Variants in COL4A4 observed in about 807,000 individuals in gnomAD.
The protein encoded by COL4A4 is collagen alpha-4(IV) chain.
In COL4A4, 105 loss-of-function variants were observed where a neutral mutation model predicts 192.9. That is an observed-to-expected ratio of 0.54 (90% CI 0.46 to 0.64). COL4A4 has a LOEUF of 0.64. Ranked by LOEUF, COL4A4 falls within the 30% of genes least tolerant of loss-of-function variation. COL4A4 has a pLI of 0.00. For missense variants in COL4A4, 1,967 were observed against 2,169.3 expected, an observed-to-expected ratio of 0.91 and a Z score of 1.85; for synonymous variants, 762 against 769.9, an observed-to-expected ratio of 0.99 and a Z score of 0.17.
At chr2:226,983,831 C>T in the COL4A4 span, among the ~76,000 whole-genome samples, 1 of 152,172 alleles carries the variant, frequency 6.6e-6, no homozygotes. Context: ...TGGTTTGAAA[C>T]TCAAGTGGAA....
In COL4A4 at chr2:227,129,047, G is replaced by A. The variant is rs371797954; in HGVS notation, c.193-7899C>T. 3.2e-4 allele frequency among the ~76,000 whole-genome samples: 49 copies of A among 152,232 alleles called. No homozygotes were observed. In the Middle Eastern group the frequency reaches 0.01, roughly 32 times the overall value. ...CTCCAAAAATATTATAATCATAACA[G>A]TAGCAGTAATAACTGCCACCATGTA... On this transcript the variant is annotated intron_variant, in intron 4 of 47. Transcript: ENST00000396625.
chr2:227,010,740 C>CA (rs943064285), intron 45 of COL4A4, among the ~76,000 whole-genome samples: 5 of 152,052 alleles, frequency 3.3e-5, no homozygotes, highest in African/African-American at 1.2e-4. Context: ...AGCATAAAGA[C>CA]AAAAAACAGA....
intron 23 of COL4A4, 54 bp downstream of exon 23, chr2:227,082,061 G>T: frequency 7.3e-7 from 1 of 1,377,472 alleles, no homozygotes; most frequent in Non-Finnish European, 1.0e-6. Context: ...GCAAGAGGAG[G>T]GTCCATACAT....
chr2:227,116,164 A>G (rs77039920), intron 7 of COL4A4, among the ~76,000 whole-genome samples: 5,302 of 152,266 alleles, frequency 0.035, 304 homozygotes, highest in African/African-American at 0.12. Flanking sequence ...GTAACAATGT[A>G]TTGGAAAACA....
intron 37 of COL4A4, among the ~76,000 whole-genome samples, chr2:227,036,878 C>T (rs1969792593): frequency 6.6e-6 from 1 of 152,098 alleles, no homozygotes; most frequent in Non-Finnish European, 1.5e-5. Flanking sequence ...TGAGGAAAGC[C>T]ATTTCCAGAT....
chr2:226,967,517 A>G, the COL4A4 span, among the ~76,000 whole-genome samples: 2 of 146,124 alleles, frequency 1.4e-5, no homozygotes, highest in Admixed American at 1.4e-4. Context: ...TATATCTCCT[A>G]ATGCTATCCC....
At chr2:227,071,103 C>T (rs1056715043) in intron 25 of COL4A4, among the ~76,000 whole-genome samples, 6 of 151,996 alleles carry the variant, frequency 3.9e-5, no homozygotes, top group South Asian at 2.1e-4. Context: ...TTCAAAGATA[C>T]GGGATGGCAA....
At chr2:227,041,856 A>AGAGAGAGAGAGAGAGAG (rs1559478390) in intron 37 of COL4A4, among the ~76,000 whole-genome samples, 4 of 96,976 alleles carry the variant, frequency 4.1e-5, no homozygotes, top group Admixed American at 3.8e-4. Context: ...AAGAGAAAGA[A>AGAGAGAGAGAGAGAGAG]AGAAAGAAAG....
At position 227,030,526 on chromosome 2, in the gene COL4A4, G is replaced by A. The variant is rs769717906; in HGVS notation, c.3890C>T (p.Pro1297Leu). 21 of 1,614,046 alleles carry A rather than the reference G, an allele frequency of 1.3e-5. No homozygotes were observed. The highest frequency in any genetic ancestry group is 1.5e-5 in the Non-Finnish European group (18 of 1,179,940). ...LRGEPGDCGL[P>L]GPPGPPGPPG... ...TGGGCCAGGGGGACCTGGTGGCCCTGGTAGACCACAGTCACCTGGCTCCCC... is the reference window on the plus strand; with the variant it reads ...TGGGCCAGGGGGACCTGGTGGCCCTAGTAGACCACAGTCACCTGGCTCCCC... Residue 1297 changes from proline to leucine, a missense_variant, in exon 41 of 48, where the codon CCA (proline) becomes CTA (leucine). By Grantham distance (98) the Pro-to-Leu change is moderately conservative. Coordinates refer to ENST00000396625, the MANE Select transcript of COL4A4 (RefSeq NM_000092.5).
At chr2:227,098,856 GACA>G in intron 18 of COL4A4, 58 bp from the exon 19 acceptor site, 4 of 1,388,214 alleles carry the variant, frequency 2.9e-6, no homozygotes, top group South Asian at 1.2e-5. Context: ...TTAAAATTAA[GACA>G]ACAATTACTT....
chr2:227,085,046 G>T (rs755595058), intron 22 of COL4A4, among the ~76,000 whole-genome samples: 1 of 151,856 alleles, frequency 6.6e-6, no homozygotes, highest in Non-Finnish European at 1.5e-5. Context: ...CAGCAGAATC[G>T]CCTGAACCCG....
Position 227,127,624 on chromosome 2 carries a change from C to A in COL4A4, c.193-6476G>T, listed in dbSNP as rs567814131. Among the ~76,000 whole-genome samples the A allele has an allele frequency of 4.5e-4, 68 of 152,294 alleles. 1 individual carries two copies. Among genetic ancestry groups the A allele is most frequent in the African/African-American group, 1.6e-3 (66 of 41,566 alleles). Reference sequence around the variant, plus strand: ...GGGTATGTACTGTACTTTTTAAAAACCAAAATCTTCAAGTCAGCCTTTTTG... The same window carrying A: ...GGGTATGTACTGTACTTTTTAAAAAACAAAATCTTCAAGTCAGCCTTTTTG... On this transcript the variant is annotated intron_variant, in intron 4 of 47. Transcript: ENST00000396625.
intron 19 of COL4A4, among the ~76,000 whole-genome samples, chr2:227,094,653 C>T (rs1263461644): frequency 6.6e-6 from 1 of 152,128 alleles, no homozygotes; most frequent in African/African-American, 2.4e-5. Flanking sequence ...GTTAACAATA[C>T]TATATCTTAT....
intron 26 of COL4A4, among the ~76,000 whole-genome samples, chr2:227,061,328 C>A (rs2150301135): frequency 6.6e-6 from 1 of 152,290 alleles, no homozygotes; most frequent in East Asian, 1.9e-4. Flanking sequence ...TGCCCTTTTA[C>A]CCAGGGCTTG....
intron 4 of COL4A4, among the ~76,000 whole-genome samples, chr2:227,130,042 C>A (rs573242686): frequency 7.9e-4 from 120 of 152,220 alleles, no homozygotes; most frequent in Non-Finnish European, 1.1e-3. Flanking sequence ...CAGGAGCCTC[C>A]CCTATTGCAG....
At chr2:227,147,711 G>A (rs1019387381) in intron 1 of COL4A4, 127 bp from the exon 2 acceptor site, 9 of 447,300 alleles carry the variant, frequency 2.0e-5, no homozygotes, top group African/African-American at 1.4e-4. Context: ...CCTTAGTGAT[G>A]GTGAAACTGA....
chr2:227,151,040 CATA>C (rs1479097715), intron 1 of COL4A4, among the ~76,000 whole-genome samples: 4 of 151,948 alleles, frequency 2.6e-5, no homozygotes, highest in Non-Finnish European at 5.9e-5. Context: ...TCCAATAAAT[CATA>C]ATGTCACAGC....
chr2:227,082,684 GTA>G (rs752683532), intron 22 of COL4A4, among the ~76,000 whole-genome samples: 1 of 152,186 alleles, frequency 6.6e-6, no homozygotes, highest in Non-Finnish European at 1.5e-5. Context: ...AGAGCTGAAG[GTA>G]GAGATTTAGG....
chr2:227,100,673 GAC>G (rs1559622385), intron 17 of COL4A4, among the ~76,000 whole-genome samples: 1 of 152,132 alleles, frequency 6.6e-6, no homozygotes, highest in Non-Finnish European at 1.5e-5. Context: ...GATAACAAGG[GAC>G]AACTGATATG....
Sources: gnomAD v4.1 joint callset for allele counts (sites outside exome capture counted in the v4.1 genomes callset) on GRCh38, gnomAD v4.1.1 for gene constraint, MANE v1.5 for transcripts, NCBI Gene and HGNC (gene_info 2026-07-23, HGNC 2026-07-21) for gene names.